PRKCE: variants seen among roughly 807,000 people sequenced by gnomAD.
PRKCE encodes protein kinase C epsilon.
In PRKCE, 16 loss-of-function variants were observed where a neutral mutation model predicts 85.4. The observed-to-expected ratio is 0.19, with a 90% CI of 0.13 to 0.28. The LOEUF is 0.28. Ranked by LOEUF, PRKCE falls within the 10% of genes least tolerant of loss-of-function variation. The pLI, the probability that PRKCE is intolerant of heterozygous loss-of-function variation, is 1.00. For missense variants in PRKCE, 573 were observed against 975.2 expected (o/e 0.59, Z 5.49); for synonymous variants, 388 against 371.5 (o/e 1.04, Z -0.51).
At chr2:45,880,005 C>T (rs1694764305) in intron 2 of PRKCE, among the ~76,000 whole-genome samples, 1 of 152,156 alleles carries the variant, frequency 6.6e-6, no homozygotes, top group East Asian at 1.9e-4. Flanking sequence ...TTTAACAAAT[C>T]TCTTCCAAAA....
chr2:46,007,780 C>G, intron 9 of PRKCE, 119 bp downstream of exon 9: 9 of 1,201,676 alleles, frequency 7.5e-6, no homozygotes, highest in Non-Finnish European at 1.0e-5. Context: ...GTTTTCTTTC[C>G]TTTTTTGTAA....
intron 1 of PRKCE, among the ~76,000 whole-genome samples, chr2:45,830,509 TA>T (rs1312415573): frequency 2.6e-5 from 4 of 152,166 alleles, no homozygotes; most frequent in African/African-American, 9.7e-5. Flanking sequence ...GTAAGAGACA[TA>T]AGGATCATTC....
intron 2 of PRKCE, among the ~76,000 whole-genome samples, chr2:45,921,369 T>C (rs992800155): frequency 1.3e-5 from 2 of 152,246 alleles, no homozygotes; most frequent in African/African-American, 4.8e-5. Flanking sequence ...TACGTAGATA[T>C]AGTTAGCAGA....
intron 12 of PRKCE, among the ~76,000 whole-genome samples, chr2:46,149,312 T>G (rs1676377455): frequency 6.6e-6 from 1 of 152,166 alleles, no homozygotes; most frequent in Admixed American, 6.5e-5. Flanking sequence ...TTGCCTTTTT[T>G]TTTCAGGGTC....
intron 10 of PRKCE, among the ~76,000 whole-genome samples, chr2:46,026,511 A>G (rs996712145): frequency 6.6e-6 from 1 of 152,234 alleles, no homozygotes; most frequent in African/African-American, 2.4e-5. Flanking sequence ...TAATTCTACC[A>G]AAAGTGTCAC....
chr2:45,840,599 T>C (rs2105469374), intron 1 of PRKCE: 1 of 152,326 alleles, frequency 6.6e-6, no homozygotes, highest in Middle Eastern at 3.4e-3. Flanking sequence ...GGCCTGCTCG[T>C]GGCACTCCCT....
chr2:45,752,447 C>T (rs1471727547), intron 1 of PRKCE, among the ~76,000 whole-genome samples: 1 of 152,184 alleles, frequency 6.6e-6, no homozygotes, highest in Non-Finnish European at 1.5e-5. Flanking sequence ...CCCTCCCCTC[C>T]CCACTGTTTA....
At chr2:45,700,195 GA>G (rs35796667) in intron 1 of PRKCE, among the ~76,000 whole-genome samples, 22,381 of 151,424 alleles carry the variant, frequency 0.15, 1,932 homozygotes, top group Middle Eastern at 0.22. Flanking sequence ...TCTCGGTGGA[GA>G]GGTGAGAACA....
chr2:45,972,852 A>G (rs1702197789), intron 2 of PRKCE, among the ~76,000 whole-genome samples: 1 of 152,250 alleles, frequency 6.6e-6, no homozygotes, highest in African/African-American at 2.4e-5. Context: ...CAACTTTAAT[A>G]TGGTTCCTAT....
At chr2:45,653,370 G>GTTTTTTTT (rs34888247) in intron 1 of PRKCE, among the ~76,000 whole-genome samples, 732 of 61,452 alleles carry the variant, frequency 0.012, 69 homozygotes, top group East Asian at 0.03. Flanking sequence ...TTTTTGGGTT[G>GTTTTTTTT]TTTTTTTTTT....
chr2:45,977,177 G>A (rs1042344210), intron 3 of PRKCE, among the ~76,000 whole-genome samples: 2 of 152,124 alleles, frequency 1.3e-5, no homozygotes, highest in Non-Finnish European at 2.9e-5. Flanking sequence ...GATTATAGAT[G>A]TGAGCCATTG....
At chr2:45,761,066 G>GC (rs1225433148) in intron 1 of PRKCE, among the ~76,000 whole-genome samples, 1 of 152,186 alleles carries the variant, frequency 6.6e-6, no homozygotes, top group Admixed American at 6.5e-5. Context: ...GGTGGCTCAC[G>GC]CCTGTAATCC....
At chr2:45,847,536 C>T (rs1456026312) in intron 2 of PRKCE, among the ~76,000 whole-genome samples, 1 of 152,134 alleles carries the variant, frequency 6.6e-6, no homozygotes, top group Non-Finnish European at 1.5e-5. Flanking sequence ...GTGTGTAGAG[C>T]TCTTAGCTTT....
intron 1 of PRKCE, among the ~76,000 whole-genome samples, chr2:45,753,055 C>G (rs189738280): frequency 1.3e-5 from 2 of 152,214 alleles, no homozygotes. Context: ...CTTTCCTGGT[C>G]AGGGCACAGG....
At chr2:46,057,005 A>T (rs190934130) in intron 10 of PRKCE, among the ~76,000 whole-genome samples, 1 of 151,948 alleles carries the variant, frequency 6.6e-6, no homozygotes, top group Non-Finnish European at 1.5e-5. Flanking sequence ...AACAGTGGGG[A>T]TGGAGGGGGT....
intron 14 of PRKCE, among the ~76,000 whole-genome samples, chr2:46,168,209 G>C (rs1180666342): frequency 6.6e-6 from 1 of 152,146 alleles, no homozygotes; most frequent in Non-Finnish European, 1.5e-5. Context: ...GCTTTTCTTT[G>C]TGTCTTAATG....
intron 1 of PRKCE, among the ~76,000 whole-genome samples, chr2:45,682,114 A>C (rs1264128631): frequency 6.6e-6 from 1 of 152,188 alleles, no homozygotes; most frequent in Admixed American, 6.5e-5. Flanking sequence ...GAACTTATTA[A>C]ATTTTTTACA....
rs527764145 is a variant in PRKCE, at chr2:46,068,096, C to A, written c.1438-18112C>A. ...GTTCAGAGAGAGACTGGGGGTTTGT[C>A]TGCACTTTTACATTATCAGTGGGTA... On this transcript the variant is annotated intron_variant, in intron 10 of 14. Transcript: ENST00000306156. This position sits in a 1 kb window ranked among gnomAD's most constrained non-coding sequence, Gnocchi z 4.3. 2.6e-5 allele frequency among the ~76,000 whole-genome samples: 4 copies of A among 152,234 alleles called. No homozygotes were observed. The South Asian group carries it at 8.3e-4, about 32-fold the overall frequency.
At chr2:45,822,373 C>A (rs1426825065) in intron 1 of PRKCE, among the ~76,000 whole-genome samples, 1 of 152,218 alleles carries the variant, frequency 6.6e-6, no homozygotes. Flanking sequence ...GAGAAAGCAG[C>A]CCACATTGTG....
Sources: gnomAD v4.1 joint callset for allele counts (sites outside exome capture counted in the v4.1 genomes callset) on GRCh38, gnomAD v4.1.1 for gene constraint, Gnocchi (gnomAD v3.1) non-coding constraint, MANE v1.5 for transcripts, NCBI Gene and HGNC (gene_info 2026-07-23, HGNC 2026-07-21) for gene names.